The following MYH10 variants were observed in gnomAD, a reference collection of about 807,000 sequenced individuals.
MYH10 encodes the protein myosin heavy chain 10, also known as myosin-10.
Under a neutral mutation model 257.8 loss-of-function variants are expected in MYH10, and 55 were observed. The observed-to-expected ratio is 0.21, with a 90% CI of 0.17 to 0.27. The LOEUF is 0.27. Ranked by LOEUF, MYH10 falls within the 10% of genes least tolerant of loss-of-function variation. The probability of loss-of-function intolerance (pLI) is 1.00; values close to 1 mark genes in which losing one functional copy is unlikely to be tolerated. For synonymous variants in MYH10, 854 were observed against 921.7 expected, an observed-to-expected ratio of 0.93 and a Z score of 1.33; for missense variants, 1,631 against 2,500.6, an observed-to-expected ratio of 0.65 and a Z score of 7.42.
chr17:8,533,359 C>A (rs2151928884), intron 16 of MYH10, among the ~76,000 whole-genome samples: 1 of 152,324 alleles, frequency 6.6e-6, no homozygotes, highest in African/African-American at 2.4e-5. Context: ...TCACTCTTCT[C>A]TGCCCCAGCC....
At chr17:8,513,403 G>T in intron 23 of MYH10, 135 bp downstream of exon 23, 3 of 1,348,008 alleles carry the variant, frequency 2.2e-6, no homozygotes, top group South Asian at 1.6e-5. Context: ...TTGGAAATGA[G>T]TGAAAAGGCC....
chr17:8,514,817 G>C (rs984219813), intron 21 of MYH10, among the ~76,000 whole-genome samples: 3 of 152,170 alleles, frequency 2.0e-5, no homozygotes, highest in African/African-American at 7.2e-5. Context: ...CTGCATTTTA[G>C]ATCTTGACAA....
chr17:8,610,471 GGA>G (rs914812077), intron 2 of MYH10, among the ~76,000 whole-genome samples: 1 of 151,322 alleles, frequency 6.6e-6, no homozygotes, highest in Non-Finnish European at 1.5e-5. Context: ...TAAAAAGAGG[GGA>G]GAGAAAGAGA....
chr17:8,557,802 C>T (rs2082856928), intron 7 of MYH10, among the ~76,000 whole-genome samples: 2 of 152,180 alleles, frequency 1.3e-5, no homozygotes, highest in South Asian at 4.1e-4. Context: ...AACAATATTA[C>T]TCTGGACATG....
Position 8,477,938 on chromosome 17 carries a change from C to G in MYH10, c.5706+400G>C, listed in dbSNP as rs951735420. On this transcript the variant is annotated intron_variant, in intron 41 of 42. Coordinates refer to ENST00000360416, the MANE Select transcript of MYH10 (RefSeq NM_001256012.3). The surrounding 1 kb of genome is among the most constrained non-coding windows in gnomAD (Gnocchi z 4.2). ...CGGGTGCAGCGTGCAGTACCTTTGT[C>G]TTCCCTTCACTTTCTATTCAGTATC... Among the ~76,000 whole-genome samples the G allele has an allele frequency of 5.3e-5, 8 of 152,332 alleles. No homozygotes were observed. The highest frequency in any genetic ancestry group is 4.1e-4 in the South Asian group (2 of 4,828).
chr17:8,615,950 C>T (rs1406594352), intron 2 of MYH10, among the ~76,000 whole-genome samples: 1 of 152,192 alleles, frequency 6.6e-6, no homozygotes, highest in Non-Finnish European at 1.5e-5. Context: ...AAACATTGTA[C>T]TGAAAATTCT....
At chr17:8,498,228 C>T (rs150792891) in intron 30 of MYH10, among the ~76,000 whole-genome samples, 216 of 151,948 alleles carry the variant, frequency 1.4e-3, no homozygotes, top group African/African-American at 4.7e-3. Context: ...TCAGGTGATC[C>T]GCCCACCTCA....
intron 28 of MYH10, among the ~76,000 whole-genome samples, chr17:8,501,744 G>A (rs2080904037): frequency 1.3e-5 from 2 of 152,184 alleles, no homozygotes; most frequent in South Asian, 4.1e-4. Flanking sequence ...GCAGGTCTAT[G>A]GCCAGAGAAT....
intron 1 of MYH10, among the ~76,000 whole-genome samples, chr17:8,628,197 G>A (rs967167613): frequency 6.6e-6 from 1 of 152,132 alleles, no homozygotes; most frequent in Non-Finnish European, 1.5e-5. Flanking sequence ...TTTTGTTAGC[G>A]AACATAAAGA....
At position 8,490,626 on chromosome 17, in the gene MYH10, T is replaced by C; in HGVS notation, c.4672-74A>G. On this transcript the variant is annotated intron_variant, in intron 34 of 42. Transcript: ENST00000360416. The surrounding 1 kb of genome is among the most constrained non-coding windows in gnomAD (Gnocchi z 4.1). Reference sequence around the variant, plus strand: ...ATGAAGAACAGCAGTCTTACTGTTTTACAGGCCCACTCGTGGCATGCTGGC... The same window carrying C: ...ATGAAGAACAGCAGTCTTACTGTTTCACAGGCCCACTCGTGGCATGCTGGC... 6.7e-7 allele frequency: 1 copy of C among 1,490,302 alleles called. No individual in the cohort carries two copies. The highest frequency in any genetic ancestry group is 1.4e-5 in the African/African-American group (1 of 72,484). The allele number at this position is 1,490,302 out of a possible 1,614,324, so 92.3% of individuals were successfully genotyped here.
At chr17:8,489,745 A>ACACACACACACACACACACACACC (rs1258993754) in intron 35 of MYH10, among the ~76,000 whole-genome samples, 38 of 150,782 alleles carry the variant, frequency 2.5e-4, no homozygotes, top group East Asian at 5.8e-4. Context: ...ACACACACAC[A>ACACACACACACACACACACACACC]CCCCAAATCC....
At chr17:8,606,369 A>G (rs1375776199) in intron 2 of MYH10, among the ~76,000 whole-genome samples, 1 of 152,210 alleles carries the variant, frequency 6.6e-6, no homozygotes, top group Non-Finnish European at 1.5e-5. Flanking sequence ...GGCATCTGGA[A>G]GGGCACTCAG....
At chr17:8,500,151 T>C (rs1441886987) in intron 29 of MYH10, among the ~76,000 whole-genome samples, 1 of 152,062 alleles carries the variant, frequency 6.6e-6, no homozygotes, top group Non-Finnish European at 1.5e-5. Context: ...AATGCTAATA[T>C]TGTCATTGTC....
At chr17:8,621,713 C>T (rs1327053498) in intron 2 of MYH10, among the ~76,000 whole-genome samples, 3 of 152,170 alleles carry the variant, frequency 2.0e-5, no homozygotes, top group African/African-American at 7.2e-5. Context: ...GGAGATCTAT[C>T]AGGCTTGGTT....
At chr17:8,610,211 C>A (rs748991200) in intron 2 of MYH10, among the ~76,000 whole-genome samples, 56 of 130,486 alleles carry the variant, frequency 4.3e-4, no homozygotes, top group Non-Finnish European at 6.8e-4. Context: ...TCCGTTTAAG[C>A]CTCTGGATCC....
intron 19 of MYH10, among the ~76,000 whole-genome samples, chr17:8,519,784 G>T (rs1185232826): frequency 6.6e-6 from 1 of 151,628 alleles, no homozygotes; most frequent in Non-Finnish European, 1.5e-5. Flanking sequence ...AACAGCAAAT[G>T]GTGTCATACT....
rs191237258 is a variant in MYH10, at chr17:8,613,361, G to A, written c.346-8379C>T. On this transcript the variant is annotated intron_variant, in intron 2 of 42. Transcript: ENST00000360416. ...TAATGGATAAAACTAAATGAATATC[G>A]ACAGTATTAAAATGTAATATGTGTC... 5.3e-5 allele frequency among the ~76,000 whole-genome samples: 8 copies of A among 152,166 alleles called. No homozygotes were observed. In the East Asian group the frequency reaches 1.2e-3, roughly 22 times the overall value.
At chr17:8,598,919 C>G (rs2084490292) in intron 3 of MYH10, among the ~76,000 whole-genome samples, 2 of 152,172 alleles carry the variant, frequency 1.3e-5, no homozygotes, top group African/African-American at 2.4e-5. Flanking sequence ...GTTGCCCAGG[C>G]TGGTCTTGAA....
chr17:8,533,401 A>G (rs1396198969), intron 16 of MYH10, among the ~76,000 whole-genome samples: 2 of 151,978 alleles, frequency 1.3e-5, no homozygotes, highest in Non-Finnish European at 2.9e-5. Flanking sequence ...ACTCCTCCTG[A>G]GCTATGATTT....
Sources: gnomAD v4.1 joint callset for allele counts (sites outside exome capture counted in the v4.1 genomes callset) on GRCh38, gnomAD v4.1.1 for gene constraint, Gnocchi (gnomAD v3.1) non-coding constraint, MANE v1.5 for transcripts, NCBI Gene and HGNC (gene_info 2026-07-23, HGNC 2026-07-21) for gene names.